EIPR1: variants seen among roughly 807,000 people sequenced by gnomAD.
The protein encoded by EIPR1 is EARP complex and GARP complex interacting protein 1.
A neutral mutation model predicts 48.1 loss-of-function variants in EIPR1; 25 were observed. The ratio of observed to expected loss-of-function variants is 0.52; its 90% CI spans 0.38 to 0.73. EIPR1 has a LOEUF of 0.73. Among genes scored for constraint, EIPR1 ranks in the 30% least tolerant of loss-of-function variants. The pLI is 0.00. For missense variants in EIPR1, 415 were observed against 506.2 expected (o/e 0.82, Z 1.73); for synonymous variants, 204 against 201.9 (o/e 1.01, Z -0.09).
At chr2:3,283,978 A>G (rs112569299) in intron 3 of EIPR1, among the ~76,000 whole-genome samples, 25 of 149,458 alleles carry the variant, frequency 1.7e-4, no homozygotes, top group African/African-American at 5.7e-4. Flanking sequence ...AAGAAAGAAA[A>G]AAAGAAAAGG....
At chr2:3,249,521 T>C (rs2103205237) in intron 4 of EIPR1, among the ~76,000 whole-genome samples, 1 of 152,280 alleles carries the variant, frequency 6.6e-6, no homozygotes, top group South Asian at 2.1e-4. Flanking sequence ...AAGCATAATG[T>C]TTGGAAAAGT....
chr2:3,224,503 G>A (rs1665995721), intron 4 of EIPR1, among the ~76,000 whole-genome samples: 1 of 152,198 alleles, frequency 6.6e-6, no homozygotes, highest in Non-Finnish European at 1.5e-5. Flanking sequence ...AGAGGTGCCT[G>A]ACTGGACACT....
chr2:3,352,674 G>A (rs1417780615), intron 2 of EIPR1, among the ~76,000 whole-genome samples: 1 of 152,188 alleles, frequency 6.6e-6, no homozygotes, highest in African/African-American at 2.4e-5. Context: ...CATCACACAG[G>A]CCTTATATTA....
chr2:3,237,511 G>A (rs1367883636), intron 4 of EIPR1, among the ~76,000 whole-genome samples: 1 of 152,104 alleles, frequency 6.6e-6, no homozygotes, highest in East Asian at 1.9e-4. Context: ...CGTATGTATT[G>A]CACACAGGAA....
chr2:3,193,911 C>T, intron 7 of EIPR1, 88 bp downstream of exon 7: 2 of 1,448,688 alleles, frequency 1.4e-6, no homozygotes, highest in South Asian at 2.7e-5. Flanking sequence ...ACAAACTAAG[C>T]TGGTTTGTGT....
intron 3 of EIPR1, among the ~76,000 whole-genome samples, chr2:3,328,900 C>G: frequency 7.0e-6 from 1 of 143,802 alleles, no homozygotes; most frequent in South Asian, 2.3e-4. Flanking sequence ...TCTCGGGGTG[C>G]CAGCCTGGGC....
chr2:3,301,792 C>G (rs888753254), intron 3 of EIPR1, among the ~76,000 whole-genome samples: 20 of 152,134 alleles, frequency 1.3e-4, no homozygotes, highest in African/African-American at 4.8e-4. Context: ...TCTTTGATAC[C>G]TGTGGATACT....
At chr2:3,360,141 C>T (rs554780875) in intron 1 of EIPR1, among the ~76,000 whole-genome samples, 4 of 151,996 alleles carry the variant, frequency 2.6e-5, no homozygotes, top group African/African-American at 7.3e-5. Flanking sequence ...CAGTGGCTCA[C>T]GCCTGTAATC....
intron 3 of EIPR1, among the ~76,000 whole-genome samples, chr2:3,268,526 A>G (rs1667561239): frequency 6.6e-6 from 1 of 152,066 alleles, no homozygotes; most frequent in African/African-American, 2.4e-5. Context: ...GTTTCTTCAC[A>G]TCTGACGCCT....
intron 1 of EIPR1, among the ~76,000 whole-genome samples, chr2:3,372,160 A>G (rs1671132590): frequency 6.6e-6 from 1 of 151,134 alleles, no homozygotes; most frequent in South Asian, 2.1e-4. Flanking sequence ...TGAAGGCAGA[A>G]ATAAAGATGT....
chr2:3,315,067 C>A (rs1437751762), intron 3 of EIPR1, among the ~76,000 whole-genome samples: 1 of 149,324 alleles, frequency 6.7e-6, no homozygotes, highest in African/African-American at 2.5e-5. Context: ...CACCTGTACC[C>A]CACCACAGTC....
At chr2:3,368,913 G>A (rs1279331029) in intron 1 of EIPR1, among the ~76,000 whole-genome samples, 2 of 152,128 alleles carry the variant, frequency 1.3e-5, no homozygotes, top group Non-Finnish European at 2.9e-5. Flanking sequence ...TTTATTTGCA[G>A]TTGCAGTACT....
intron 3 of EIPR1, chr2:3,319,311 A>G (rs34842466): frequency 0.44 from 100,171 of 227,186 alleles, 24,521 homozygotes; most frequent in East Asian, 0.83. Flanking sequence ...CTGGCCCGGC[A>G]GGTCATTGCA....
chr2:3,352,442 C>T (rs970484729), intron 2 of EIPR1, among the ~76,000 whole-genome samples: 1 of 151,866 alleles, frequency 6.6e-6, no homozygotes, highest in Non-Finnish European at 1.5e-5. Flanking sequence ...GCCAACCACA[C>T]TGTCTGTTCC....
chr2:3,277,802 C>G (rs1161751762), intron 3 of EIPR1, among the ~76,000 whole-genome samples: 1 of 152,224 alleles, frequency 6.6e-6, no homozygotes, highest in African/African-American at 2.4e-5. Context: ...ACATTGCTGC[C>G]CCATCTGTGC....
At chr2:3,190,083 G>A (rs184906590) in intron 8 of EIPR1, among the ~76,000 whole-genome samples, 22 of 152,196 alleles carry the variant, frequency 1.4e-4, no homozygotes, top group African/African-American at 4.6e-4. Flanking sequence ...CAGCAGAGGC[G>A]TGACCTGCCT....
At position 3,208,721 on chromosome 2, in the gene EIPR1, G is replaced by C. The variant is rs1231345669; in HGVS notation, c.516+5428C>G. ...AACACTCGGCGGGTCCTTCTTCCAT[G>C]CGTGAGGCTCGTGGCGGGTCCTTCT... On this transcript the variant is annotated intron_variant, in intron 5 of 8. Transcript: ENST00000382125. 8 of 1,550,096 alleles carry C rather than the reference G, an allele frequency of 5.2e-6. No homozygotes were observed. The East Asian group carries it at 2.0e-4, about 38-fold the overall frequency.
At chr2:3,313,450 G>C (rs1478574510) in intron 3 of EIPR1, among the ~76,000 whole-genome samples, 1 of 152,128 alleles carries the variant, frequency 6.6e-6, no homozygotes, top group Non-Finnish European at 1.5e-5. Context: ...AGGTGGCTTG[G>C]GGCCAGCTCA....
At chr2:3,374,806 G>T (rs1312923114) in intron 1 of EIPR1, among the ~76,000 whole-genome samples, 1 of 147,142 alleles carries the variant, frequency 6.8e-6, no homozygotes, top group Non-Finnish European at 1.5e-5. Flanking sequence ...TTCAACCATT[G>T]TGGAAGTCAG....
Sources: gnomAD v4.1 joint callset for allele counts (sites outside exome capture counted in the v4.1 genomes callset) on GRCh38, gnomAD v4.1.1 for gene constraint, MANE v1.5 for transcripts, NCBI Gene and HGNC (gene_info 2026-07-23, HGNC 2026-07-21) for gene names.